The following SLC15A1 variants were observed in gnomAD, a reference collection of about 807,000 sequenced individuals.
The protein encoded by SLC15A1 is solute carrier family 15 member 1, also known as Caco-2 oligopeptide transporter.
Under a neutral mutation model 92.9 loss-of-function variants are expected in SLC15A1, and 83 were observed. The observed-to-expected ratio is 0.89, with a 90% confidence interval of 0.75 to 1.07. The LOEUF is 1.07. Ranked by LOEUF, SLC15A1 falls within the 50% of genes least tolerant of loss-of-function variation. SLC15A1 has a pLI of 0.00. For synonymous variants in SLC15A1, 322 were observed against 318.2 expected (o/e 1.01, Z -0.13); for missense variants, 857 against 880.1 (o/e 0.97, Z 0.33).
At chr13:98,708,859 A>C in intron 14 of SLC15A1, 92 bp from the exon 15 acceptor site, 1 of 790,308 alleles carries the variant, frequency 1.3e-6, no homozygotes, top group Non-Finnish European at 1.9e-6. Context: ...AACAAAACTA[A>C]ATTCCTTCCA....
Position 98,684,576 on chromosome 13 carries a change from A to C in SLC15A1, c.*148T>G. On this transcript the variant is annotated 3_prime_UTR_variant, in exon 23 of 23. Transcript: ENST00000376503. Reference sequence around the variant, plus strand: ...AAAAAAAAAAAAAAAAAAGAAAAGAAAAAGAAAAAAGAAAATAGCATTCAT... The same window carrying C: ...AAAAAAAAAAAAAAAAAAGAAAAGACAAAGAAAAAAGAAAATAGCATTCAT... The C allele has an allele frequency of 2.0e-6, 1 of 502,826 alleles. No homozygotes were observed. The highest frequency in any genetic ancestry group is 3.4e-6 in the Non-Finnish European group (1 of 291,892). The allele number at this position is 502,826 out of a possible 1,614,324, so 31.1% of individuals were successfully genotyped here.
At chr13:98,727,479 A>G (rs2139597179) in intron 1 of SLC15A1, among the ~76,000 whole-genome samples, 1 of 152,252 alleles carries the variant, frequency 6.6e-6, no homozygotes, top group Non-Finnish European at 1.5e-5. Flanking sequence ...CAACATCCCC[A>G]CTTTCAACGT....
chr13:98,691,795 G>A (rs554905960), intron 18 of SLC15A1, among the ~76,000 whole-genome samples: 3 of 152,066 alleles, frequency 2.0e-5, no homozygotes, highest in South Asian at 2.1e-4. Context: ...AAGCTTGAGC[G>A]GGGCACGGTG....
At chr13:98,702,952 G>C (rs1345791345) in intron 17 of SLC15A1, among the ~76,000 whole-genome samples, 2 of 132,224 alleles carry the variant, frequency 1.5e-5, no homozygotes, top group Non-Finnish European at 1.6e-5. Flanking sequence ...GGTGCAACAG[G>C]GGGAGATCCT....
At chr13:98,742,970 T>G (rs998446542) in intron 1 of SLC15A1, among the ~76,000 whole-genome samples, 15 of 152,274 alleles carry the variant, frequency 9.9e-5, no homozygotes, top group African/African-American at 3.6e-4. Flanking sequence ...AGACAAGGTC[T>G]GCTATGTTAC....
At chr13:98,721,747 C>G (rs2088260483) in intron 6 of SLC15A1, 57 bp downstream of exon 6, 2 of 1,532,830 alleles carry the variant, frequency 1.3e-6, no homozygotes, top group Non-Finnish European at 1.8e-6. Context: ...CCCGTGGCCT[C>G]TGACTCCTGG....
At chr13:98,727,488 G>A (rs989995375) in intron 1 of SLC15A1, among the ~76,000 whole-genome samples, 5 of 150,702 alleles carry the variant, frequency 3.3e-5, no homozygotes, top group East Asian at 1.9e-4. Context: ...CACTTTCAAC[G>A]TCCTGTACAA....
At position 98,688,682 on chromosome 13, in the gene SLC15A1, T is replaced by A. The variant is rs912658310; in HGVS notation, c.1467-105A>T. On this transcript the variant is annotated intron_variant, in intron 18 of 22. Coordinates refer to ENST00000376503, the MANE Select transcript of SLC15A1 (RefSeq NM_005073.4). Reference sequence around the variant, plus strand: ...GGCAATACTCCCTATTTTGAAGGAGTTTAAGATGTTTTCAGAATATTTCTA... The same window carrying A: ...GGCAATACTCCCTATTTTGAAGGAGATTAAGATGTTTTCAGAATATTTCTA... 5 of 771,268 alleles carry A rather than the reference T, an allele frequency of 6.5e-6. No homozygotes were observed. In the African/African-American group the frequency reaches 7.0e-5, roughly 11 times the overall value. The allele number at this position is 771,268 out of a possible 1,614,324, so 47.8% of individuals were successfully genotyped here.
intron 1 of SLC15A1, among the ~76,000 whole-genome samples, chr13:98,742,197 C>T (rs1478425093): frequency 2.0e-5 from 3 of 152,174 alleles, no homozygotes; most frequent in African/African-American, 7.2e-5. Context: ...GAGCTTTCTG[C>T]CCAGCACCCT....
At chr13:98,710,586 C>T (rs554984610) in intron 11 of SLC15A1, among the ~76,000 whole-genome samples, 4 of 152,004 alleles carry the variant, frequency 2.6e-5, no homozygotes, top group Admixed American at 2.0e-4. Flanking sequence ...GAGGCCGAGG[C>T]GCGTGGATCA....
intron 18 of SLC15A1, among the ~76,000 whole-genome samples, chr13:98,692,207 G>A (rs536262207): frequency 7.3e-6 from 1 of 137,668 alleles, no homozygotes; most frequent in East Asian, 2.3e-4. Context: ...AGGCTGGAGT[G>A]CAGTGGTGCA....
chr13:98,726,769 T>C (rs2088305033), intron 2 of SLC15A1, 74 bp downstream of exon 2: 3 of 1,443,020 alleles, frequency 2.1e-6, no homozygotes. Context: ...GTTAGGTGAA[T>C]GAACCCTTAG....
intron 18 of SLC15A1, among the ~76,000 whole-genome samples, chr13:98,696,250 C>T (rs1490150524): frequency 2.0e-5 from 3 of 151,536 alleles, no homozygotes; most frequent in South Asian, 4.2e-4. Context: ...CCCGTCTCTA[C>T]TAAAAATATG....
intron 1 of SLC15A1, among the ~76,000 whole-genome samples, chr13:98,742,882 CCTCCCGCCTG>C (rs201216559): frequency 0.017 from 2,580 of 152,322 alleles, 28 homozygotes; most frequent in Middle Eastern, 0.085. Flanking sequence ...CTCAAGGGAT[CCTCCCGCCTG>C]AGCCTCTTGG....
At chr13:98,693,380 G>A (rs1409383290) in intron 18 of SLC15A1, among the ~76,000 whole-genome samples, 1 of 152,184 alleles carries the variant, frequency 6.6e-6, no homozygotes, top group Non-Finnish European at 1.5e-5. Context: ...TTACAGGCGT[G>A]AGCCACTGCG....
At chr13:98,735,246 T>A (rs1184365401) in intron 1 of SLC15A1, among the ~76,000 whole-genome samples, 4 of 152,242 alleles carry the variant, frequency 2.6e-5, no homozygotes, top group Admixed American at 6.5e-5. Flanking sequence ...ACCACATGAC[T>A]ATCTCAATAG....
intron 1 of SLC15A1, among the ~76,000 whole-genome samples, chr13:98,729,707 T>C (rs1285293839): frequency 2.0e-5 from 3 of 152,300 alleles, no homozygotes; most frequent in East Asian, 3.9e-4. Flanking sequence ...TTTCATTATG[T>C]GCAAGTTCAA....
intron 18 of SLC15A1, among the ~76,000 whole-genome samples, chr13:98,691,044 C>A (rs1388071075): frequency 6.6e-6 from 1 of 151,964 alleles, no homozygotes; most frequent in Non-Finnish European, 1.5e-5. Context: ...GTACTCCATT[C>A]CTTTTTTGTT....
intron 15 of SLC15A1, 92 bp downstream of exon 15, chr13:98,708,594 C>T: frequency 8.8e-7 from 1 of 1,140,784 alleles, no homozygotes; most frequent in Non-Finnish European, 1.2e-6. Flanking sequence ...CCTTGGCCTC[C>T]CCTAATCCCC....
Sources: gnomAD v4.1 joint callset for allele counts (sites outside exome capture counted in the v4.1 genomes callset) on GRCh38, gnomAD v4.1.1 for gene constraint, MANE v1.5 for transcripts, NCBI Gene and HGNC (gene_info 2026-07-23, HGNC 2026-07-21) for gene names.